Variants in ZNF804B observed in about 807,000 individuals in gnomAD.
ZNF804B encodes the protein zinc finger 804B.
Under a neutral mutation model 101.4 loss-of-function variants are expected in ZNF804B, and 80 were observed. That is an observed-to-expected ratio of 0.79 (90% CI 0.66 to 0.95). The LOEUF (loss-of-function observed/expected upper bound fraction) is 0.95, where lower values mean the gene tolerates loss of function less well. ZNF804B is among the 40% of genes least tolerant of loss of function. The probability of loss-of-function intolerance (pLI) is 0.00; values close to 1 mark genes in which losing one functional copy is unlikely to be tolerated. For missense variants in ZNF804B, 1,673 were observed against 1,561.9 expected, an observed-to-expected ratio of 1.07 and a Z score of -1.20; for synonymous variants, 622 against 558.8, an observed-to-expected ratio of 1.11 and a Z score of -1.59.
intron 3 of ZNF804B, among the ~76,000 whole-genome samples, chr7:89,331,144 A>G (rs926477212): frequency 6.6e-6 from 1 of 151,674 alleles, no homozygotes; most frequent in African/African-American, 2.4e-5. Flanking sequence ...TGTCAGATCG[A>G]TTGAAGCTTC....
At chr7:89,051,694 GTT>G (rs1164587286) in intron 1 of ZNF804B, among the ~76,000 whole-genome samples, 1 of 151,952 alleles carries the variant, frequency 6.6e-6, no homozygotes, top group Non-Finnish European at 1.5e-5. Context: ...TAATTTTTGA[GTT>G]TTATTTCATC....
chr7:89,187,091 G>C (rs1337242591), intron 1 of ZNF804B, among the ~76,000 whole-genome samples: 1 of 152,100 alleles, frequency 6.6e-6, no homozygotes, highest in African/African-American at 2.4e-5. Flanking sequence ...ACAAATATCA[G>C]AGTCCTTTGA....
At chr7:89,308,988 T>C (rs781726021) in intron 2 of ZNF804B, among the ~76,000 whole-genome samples, 1 of 152,182 alleles carries the variant, frequency 6.6e-6, no homozygotes, top group African/African-American at 2.4e-5. Context: ...TTTATTTATT[T>C]ATTTAACTTT....
At chr7:89,233,329 C>T (rs1479831475) in intron 2 of ZNF804B, among the ~76,000 whole-genome samples, 1 of 152,128 alleles carries the variant, frequency 6.6e-6, no homozygotes, top group South Asian at 2.1e-4. Flanking sequence ...TATGGGGAAC[C>T]AATAAAATTG....
At chr7:89,167,138 T>C (rs981299545) in intron 1 of ZNF804B, among the ~76,000 whole-genome samples, 1 of 152,046 alleles carries the variant, frequency 6.6e-6, no homozygotes, top group Non-Finnish European at 1.5e-5. Context: ...TTTTTTTGAA[T>C]TGCCACAAAT....
chr7:89,334,057 C>A lies in ZNF804B; in HGVS notation c.1075C>A (p.His359Asn). The A allele has an allele frequency of 6.2e-7, 1 of 1,613,532 alleles. No homozygotes were observed. The highest frequency in any genetic ancestry group is 1.1e-5 in the South Asian group (1 of 91,066). The change falls in exon 4 of 4, where the codon CAC becomes AAC. Residue 359 changes from histidine to asparagine, a missense_variant. His to Asn is a moderately conservative substitution (Grantham distance 68). Coordinates refer to ENST00000333190, the MANE Select transcript of ZNF804B (RefSeq NM_181646.5). ...GAACACTTTAGAAAATTGTGTTAAT[C>A]ACCCATGCCAAGCAAATGCTTCCTT... is the stretch of plus-strand genomic sequence containing the variant. ...LKNTLENCVN[H>N]PCQANASFSP...
intron 1 of ZNF804B, among the ~76,000 whole-genome samples, chr7:88,809,387 C>CT (rs1205718779): frequency 6.6e-6 from 1 of 151,846 alleles, no homozygotes; most frequent in African/African-American, 2.4e-5. Flanking sequence ...ACTTACTTAC[C>CT]AATCTACCAA....
intron 2 of ZNF804B, among the ~76,000 whole-genome samples, chr7:89,259,045 G>T (rs866724715): frequency 6.6e-6 from 1 of 151,616 alleles, no homozygotes; most frequent in African/African-American, 2.4e-5. Flanking sequence ...TCCAAAATTT[G>T]CCCATATCAT....
intron 1 of ZNF804B, among the ~76,000 whole-genome samples, chr7:89,070,795 C>T (rs1789524577): frequency 6.6e-6 from 1 of 151,908 alleles, no homozygotes; most frequent in Non-Finnish European, 1.5e-5. Flanking sequence ...TTTTCTCGAA[C>T]TCAAGGAGCT....
At chr7:88,901,212 T>C (rs2115953366) in intron 1 of ZNF804B, among the ~76,000 whole-genome samples, 1 of 151,996 alleles carries the variant, frequency 6.6e-6, no homozygotes, top group Non-Finnish European at 1.5e-5. Flanking sequence ...TCTTTCAAAG[T>C]TAGCATTTCA....
Position 88,864,719 on chromosome 7 carries a change from G to T in ZNF804B, c.108+104635G>T, listed in dbSNP as rs532039982. Among the ~76,000 whole-genome samples, 5 of 152,230 alleles carry T rather than the reference G, an allele frequency of 3.3e-5. No individual in the cohort carries two copies. The South Asian group carries it at 1.0e-3, about 32-fold the overall frequency. Reference sequence around the variant, plus strand: ...GCCTGTACTTCATCTGGGACCGAAAGCAATGGGAAGAACTGGAGATTCAGT... The same window carrying T: ...GCCTGTACTTCATCTGGGACCGAAATCAATGGGAAGAACTGGAGATTCAGT... On this transcript the variant is annotated intron_variant, in intron 1 of 3. Coordinates refer to ENST00000333190, the MANE Select transcript of ZNF804B (RefSeq NM_181646.5).
intron 2 of ZNF804B, among the ~76,000 whole-genome samples, chr7:89,246,181 TG>T (rs1789443006): frequency 6.6e-6 from 1 of 152,062 alleles, no homozygotes; most frequent in Non-Finnish European, 1.5e-5. Flanking sequence ...CAATAGAAAG[TG>T]TCTCAGCAGC....
At chr7:88,780,114 A>G (rs549221239) in intron 1 of ZNF804B, among the ~76,000 whole-genome samples, 9 of 152,308 alleles carry the variant, frequency 5.9e-5, no homozygotes, top group East Asian at 5.8e-4. Context: ...AATCAAAACT[A>G]CAATAAGATG....
chr7:89,294,337 A>G (rs1790346849), intron 2 of ZNF804B, among the ~76,000 whole-genome samples: 1 of 152,214 alleles, frequency 6.6e-6, no homozygotes, highest in South Asian at 2.1e-4. Flanking sequence ...AGCCAAGTAC[A>G]AAATTTGAGA....
At chr7:88,775,186 G>T (rs1382641256) in intron 1 of ZNF804B, among the ~76,000 whole-genome samples, 1 of 152,188 alleles carries the variant, frequency 6.6e-6, no homozygotes, top group African/African-American at 2.4e-5. Flanking sequence ...AATAAACAGG[G>T]TGACCCTACC....
At chr7:89,102,746 T>G (rs1346183612) in intron 1 of ZNF804B, among the ~76,000 whole-genome samples, 1 of 151,986 alleles carries the variant, frequency 6.6e-6, no homozygotes, top group African/African-American at 2.4e-5. Flanking sequence ...TGTCATAAAT[T>G]ATTTGCTTAG....
chr7:88,839,295 A>G (rs1303994380), intron 1 of ZNF804B, among the ~76,000 whole-genome samples: 1 of 152,028 alleles, frequency 6.6e-6, no homozygotes, highest in Non-Finnish European at 1.5e-5. Context: ...AATATTAGGT[A>G]CCAGGCTAAG....
chr7:89,117,423 C>T (rs1004967116), intron 1 of ZNF804B, among the ~76,000 whole-genome samples: 1 of 152,040 alleles, frequency 6.6e-6, no homozygotes, highest in Non-Finnish European at 1.5e-5. Context: ...GAAAATTTTC[C>T]TTCTAAGTTT....
chr7:88,767,928 G>C (rs1790008763), intron 1 of ZNF804B, among the ~76,000 whole-genome samples: 2 of 152,174 alleles, frequency 1.3e-5, no homozygotes, highest in South Asian at 4.1e-4. Context: ...TAACTAAGGA[G>C]TTCAGTCCTG....
Sources: gnomAD v4.1 joint callset for allele counts (sites outside exome capture counted in the v4.1 genomes callset) on GRCh38, gnomAD v4.1.1 for gene constraint, MANE v1.5 for transcripts, NCBI Gene and HGNC (gene_info 2026-07-23, HGNC 2026-07-21) for gene names.